The following INO80D variants were observed in gnomAD, a reference collection of about 807,000 sequenced individuals.
The protein encoded by INO80D is INO80 complex subunit D.
In INO80D, 21 loss-of-function variants were observed where a neutral mutation model predicts 87.6. That is an observed-to-expected ratio of 0.24 (90% CI 0.17 to 0.35). INO80D has a LOEUF of 0.35. Among genes scored for constraint, INO80D ranks in the 10% least tolerant of loss-of-function variants. The pLI is 1.00. For missense variants in INO80D, 982 were observed against 1,280.7 expected, an observed-to-expected ratio of 0.77 and a Z score of 3.56; for synonymous variants, 440 against 491.0, an observed-to-expected ratio of 0.90 and a Z score of 1.37.
chr2:206,081,511 G>A (rs1690282360), intron 1 of INO80D, among the ~76,000 whole-genome samples: 1 of 152,118 alleles, frequency 6.6e-6, no homozygotes, highest in South Asian at 2.1e-4. Flanking sequence ...CCAGCACTTG[G>A]AAAGACTGAG....
At chr2:206,076,875 T>C (rs370382660) in intron 1 of INO80D, among the ~76,000 whole-genome samples, 3 of 152,174 alleles carry the variant, frequency 2.0e-5, no homozygotes, top group South Asian at 4.1e-4. Flanking sequence ...TTCTCATCTG[T>C]AAAGGGAAGA....
chr2:206,054,113 T>G (rs1689450495), intron 4 of INO80D, among the ~76,000 whole-genome samples: 1 of 152,116 alleles, frequency 6.6e-6, no homozygotes, highest in Non-Finnish European at 1.5e-5. Context: ...GTGCTGGGAT[T>G]ACAGGCATGA....
rs1687870248 is a variant in INO80D, at chr2:205,999,622, T to C, written c.*4746A>G. On this transcript the variant is annotated 3_prime_UTR_variant, in exon 11 of 11. Transcript: ENST00000403263. Reference sequence around the variant, plus strand: ...TATTTAGAAATAAGGCTCCCTAAGTTTGACCCACAACTGCAGCATTAATGA... The same window carrying C: ...TATTTAGAAATAAGGCTCCCTAAGTCTGACCCACAACTGCAGCATTAATGA... The C allele has an allele frequency of 6.6e-6, 1 of 152,178 alleles. No individual in the cohort carries two copies. The highest frequency in any genetic ancestry group is 1.5e-5 in the Non-Finnish European group (1 of 68,030). The allele number at this position is 152,178 out of a possible 1,614,324, so 9.4% of individuals were successfully genotyped here. A position where few individuals can be genotyped will look rare whatever the true frequency, so the allele number is the denominator to read the frequency against.
intron 8 of INO80D, among the ~76,000 whole-genome samples, chr2:206,014,645 T>A (rs1261615604): frequency 6.6e-6 from 1 of 152,080 alleles, no homozygotes; most frequent in Non-Finnish European, 1.5e-5. Context: ...TTTTTTTTTT[T>A]AAATTGCCCA....
intron 1 of INO80D, among the ~76,000 whole-genome samples, chr2:206,073,064 C>T (rs1326438108): frequency 1.3e-5 from 2 of 151,978 alleles, no homozygotes; most frequent in Non-Finnish European, 2.9e-5. Context: ...TCTTGAACTC[C>T]TAGCCTCAAG....
At chr2:206,032,945 G>T (rs955313231) in intron 5 of INO80D, among the ~76,000 whole-genome samples, 1 of 152,004 alleles carries the variant, frequency 6.6e-6, no homozygotes, top group Admixed American at 6.6e-5. Context: ...AAGTACACAG[G>T]CAACAAAGAG....
intron 6 of INO80D, among the ~76,000 whole-genome samples, chr2:206,023,010 C>T (rs1256044133): frequency 6.6e-6 from 1 of 152,014 alleles, no homozygotes; most frequent in Non-Finnish European, 1.5e-5. Flanking sequence ...ACCAGCTTGG[C>T]CAACATGGTG....
At chr2:206,080,946 GA>G (rs984129887) in intron 1 of INO80D, among the ~76,000 whole-genome samples, 2 of 124,074 alleles carry the variant, frequency 1.6e-5, no homozygotes, top group Non-Finnish European at 3.5e-5. Flanking sequence ...AAAATCTTTA[GA>G]AAAAAATAGA....
chr2:206,042,617 G>A (rs1330932861), intron 5 of INO80D, among the ~76,000 whole-genome samples: 1 of 149,660 alleles, frequency 6.7e-6, no homozygotes, highest in Non-Finnish European at 1.5e-5. Flanking sequence ...GGGGGCGGAG[G>A]TTGCAGTGAG....
chr2:206,042,652 G>C (rs551268409), intron 5 of INO80D, among the ~76,000 whole-genome samples: 96 of 144,510 alleles, frequency 6.6e-4, no homozygotes, highest in African/African-American at 2.4e-3. Flanking sequence ...TTGCACTCCA[G>C]CTTGTACGAC....
intron 5 of INO80D, among the ~76,000 whole-genome samples, chr2:206,037,415 A>G (rs551116623): frequency 1.0e-3 from 152 of 152,338 alleles, no homozygotes; most frequent in Non-Finnish European, 2.0e-3. Context: ...AATCAGAAAG[A>G]GGCATACATA....
At position 206,003,947 on chromosome 2, in the gene INO80D, A is replaced by G. The variant is rs1687952451; in HGVS notation, c.*421T>C. 1 of 195,376 alleles carries G rather than the reference A, an allele frequency of 5.1e-6. No homozygotes were observed. Among genetic ancestry groups the G allele is most frequent in the African/African-American group, 2.3e-5 (1 of 43,794 alleles). The allele number at this position is 195,376 out of a possible 1,614,324, so 12.1% of individuals were successfully genotyped here. A position where few individuals can be genotyped will look rare whatever the true frequency, so the allele number is the denominator to read the frequency against. ...CCACACACCATTTGCTGTCTCTTAT[A>G]CAGGAACTCAATTAATAAGATCATT... On this transcript the variant is annotated 3_prime_UTR_variant, in exon 11 of 11. Coordinates refer to ENST00000403263, the MANE Select transcript of INO80D (RefSeq NM_017759.5).
intron 4 of INO80D, among the ~76,000 whole-genome samples, chr2:206,055,754 T>C (rs1689500340): frequency 6.6e-6 from 1 of 152,222 alleles, no homozygotes; most frequent in African/African-American, 2.4e-5. Context: ...ATCAGAAATA[T>C]TTGAGAAAAA....
rs926908911 is a variant in INO80D, at chr2:206,002,237, G to A, written c.*2131C>T. ...ACAAACTAAATGACATTTTTGAGCC[G>A]AGGTAACTACTCGTGACCACTTCAT... On this transcript the variant is annotated 3_prime_UTR_variant, in exon 11 of 11. Coordinates refer to ENST00000403263, the MANE Select transcript of INO80D (RefSeq NM_017759.5). 4 of 152,098 alleles carry A rather than the reference G, an allele frequency of 2.6e-5. No homozygotes were observed. The highest frequency in any genetic ancestry group is 9.7e-5 in the African/African-American group (4 of 41,416). The allele number at this position is 152,098 out of a possible 1,614,324, so 9.4% of individuals were successfully genotyped here.
At chr2:206,028,503 C>CTAAGTA (rs1394068181) in intron 5 of INO80D, among the ~76,000 whole-genome samples, 168 bp from the exon 6 acceptor site, 1 of 152,172 alleles carries the variant, frequency 6.6e-6, no homozygotes, top group East Asian at 1.9e-4. Flanking sequence ...CAGAGCTGAA[C>CTAAGTA]TAAGTACAGT....
At position 206,017,818 on chromosome 2, in the gene INO80D, GTTT is replaced by G. The variant is rs1427064333; in HGVS notation, c.1409-8_1409-6del. Reference sequence around the variant, plus strand: ...GAGAGTGGTTCAAGAGGATATCTGGGTTTTTTTAAGTTAGGAGTAAAATACACT... The same window carrying G: ...GAGAGTGGTTCAAGAGGATATCTGGGTTTTAAGTTAGGAGTAAAATACACT... On this transcript the variant is annotated splice_polypyrimidine_tract_variant and splice_region_variant and intron_variant, in intron 7 of 10. Transcript: ENST00000403263. The G allele has an allele frequency of 1.9e-6, 3 of 1,592,568 alleles. No individual in the cohort carries two copies. Among genetic ancestry groups the G allele is most frequent in the Non-Finnish European group, 2.6e-6 (3 of 1,174,660 alleles).
chr2:206,045,841 G>T (rs979871340), intron 5 of INO80D, among the ~76,000 whole-genome samples: 3 of 152,178 alleles, frequency 2.0e-5, no homozygotes, highest in Admixed American at 6.5e-5. Flanking sequence ...GATACAGAGA[G>T]GCAAGATAGT....
chr2:206,048,077 G>C (rs989561185), intron 4 of INO80D, among the ~76,000 whole-genome samples: 3 of 151,528 alleles, frequency 2.0e-5, no homozygotes, highest in Non-Finnish European at 4.4e-5. Flanking sequence ...GGATGGTCTC[G>C]ATCTCCTGAC....
At chr2:206,078,364 C>A (rs1402723672) in intron 1 of INO80D, among the ~76,000 whole-genome samples, 1 of 152,094 alleles carries the variant, frequency 6.6e-6, no homozygotes, top group African/African-American at 2.4e-5. Flanking sequence ...TTGCAGTGAG[C>A]TGAGATCGTG....
Sources: gnomAD v4.1 joint callset for allele counts (sites outside exome capture counted in the v4.1 genomes callset) on GRCh38, gnomAD v4.1.1 for gene constraint, MANE v1.5 for transcripts, NCBI Gene and HGNC (gene_info 2026-07-23, HGNC 2026-07-21) for gene names.